The following LRRC72 variants were observed in gnomAD, a reference collection of about 807,000 sequenced individuals.
LRRC72 encodes leucine-rich repeat-containing protein 72.
LRRC72 carries 41 observed loss-of-function variants against 35.8 expected under a neutral mutation model. The ratio of observed to expected loss-of-function variants is 1.15; its 90% confidence interval spans 0.89 to 1.49. The LOEUF (loss-of-function observed/expected upper bound fraction) is 1.49. Among genes scored for constraint, LRRC72 ranks in the 40% most tolerant of loss-of-function variants. The pLI is 0.00. For missense variants in LRRC72, 389 were observed against 330.7 expected (o/e 1.18, Z -1.37); for synonymous variants, 118 against 119.2 (o/e 0.99, Z 0.07).
At position 16,581,514 on chromosome 7, in the gene LRRC72, G is replaced by A. The variant is rs200539232; in HGVS notation, c.*25G>A. ...AGCCCTGGTATTTCTAGATATCTTA[G>A]TGGTTTTCAGTTGTATATTAAACTT... On this transcript the variant is annotated 3_prime_UTR_variant, in exon 9 of 9. Transcript: ENST00000401542. 1.4e-4 allele frequency: 204 copies of A among 1,481,126 alleles called. No individual in the cohort carries two copies. Among genetic ancestry groups the A allele is most frequent in the Middle Eastern group, 5.2e-4 (3 of 5,724 alleles). The allele number at this position is 1,481,126 out of a possible 1,614,324, so 91.7% of individuals were successfully genotyped here. A position where few individuals can be genotyped will look rare whatever the true frequency, so the allele number is the denominator to read the frequency against.
intron 6 of LRRC72, 94 bp from the exon 7 acceptor site, chr7:16,567,297 A>T: frequency 1.1e-6 from 1 of 901,950 alleles, no homozygotes; most frequent in Non-Finnish European, 1.6e-6. Context: ...ATCATAGTTT[A>T]GATAAATACA....
chr7:16,531,013 A>G (rs1261898288), intron 1 of LRRC72, among the ~76,000 whole-genome samples: 1 of 152,022 alleles, frequency 6.6e-6, no homozygotes, highest in African/African-American at 2.4e-5. Context: ...CCTGGCCAAC[A>G]TGGTGAAACC....
At chr7:16,566,116 T>C (rs2128338134) in intron 5 of LRRC72, among the ~76,000 whole-genome samples, 197 bp from the exon 6 acceptor site, 1 of 152,344 alleles carries the variant, frequency 6.6e-6, no homozygotes, top group African/African-American at 2.4e-5. Context: ...AAATATTTGT[T>C]GAATGAATGA....
rs79137717 is a variant in LRRC72 at position 16,570,379 on chromosome 7, T to A, written c.670+2836T>A. ...TGCCTTCTGGCTCCAATTTGTTTGA[T>A]TCTGACAAGAGTGATTTCATCCTGG... On this transcript the variant is annotated intron_variant, in intron 7 of 8. Transcript: ENST00000401542. 1.4e-4 allele frequency among the ~76,000 whole-genome samples: 22 copies of A among 152,358 alleles called. No homozygotes were observed. The East Asian group carries it at 4.2e-3, about 29-fold the overall frequency.
chr7:16,542,449 T>C (rs570166100), intron 3 of LRRC72, among the ~76,000 whole-genome samples: 2 of 152,354 alleles, frequency 1.3e-5, no homozygotes, highest in South Asian at 4.1e-4. Context: ...GTTAAGGACA[T>C]GTGCCCGTGA....
chr7:16,567,750 T>C lies in LRRC72; in HGVS notation c.670+207T>C, dbSNP rs550630453. Among the ~76,000 whole-genome samples, 13 of 152,208 alleles carry C rather than the reference T, an allele frequency of 8.5e-5. No individual in the cohort carries two copies. In the South Asian group the frequency reaches 2.7e-3, roughly 32 times the overall value. ...TGCAATTTTCATCCTCACTCATGCATGTGAAATTAAATGGGGTGCTGTGAT... is the reference window on the plus strand; with the variant it reads ...TGCAATTTTCATCCTCACTCATGCACGTGAAATTAAATGGGGTGCTGTGAT... On this transcript the variant is annotated intron_variant, in intron 7 of 8. Transcript: ENST00000401542.
intron 8 of LRRC72, among the ~76,000 whole-genome samples, chr7:16,580,344 C>T (rs1783119066): frequency 6.6e-6 from 1 of 152,098 alleles, no homozygotes; most frequent in Admixed American, 6.6e-5. Context: ...TAATTTGATG[C>T]TTAAAAAAAT....
At chr7:16,532,380 C>T (rs1182833972) in intron 1 of LRRC72, 115 bp from the exon 2 acceptor site, 3 of 699,366 alleles carry the variant, frequency 4.3e-6, no homozygotes, top group Non-Finnish European at 7.6e-6. Context: ...GAATGGTTAC[C>T]TCCATATTCA....
At chr7:16,566,090 A>G (rs1341644858) in intron 5 of LRRC72, among the ~76,000 whole-genome samples, 1 of 152,352 alleles carries the variant, frequency 6.6e-6, no homozygotes, top group African/African-American at 2.4e-5. Flanking sequence ...TTCCTAGTGG[A>G]TAGTAAGCAC....
At chr7:16,533,725 A>G (rs956119845) in intron 2 of LRRC72, among the ~76,000 whole-genome samples, 3 of 152,098 alleles carry the variant, frequency 2.0e-5, no homozygotes, top group African/African-American at 7.2e-5. Flanking sequence ...ATGGCTCTGA[A>G]TCTCTTGGTA....
rs1782844804 is a variant in LRRC72, at chr7:16,566,383, G to A, written c.498G>A (p.Val166=). Residue 166 remains valine, a synonymous_variant, in exon 6 of 9, where the codon GTG becomes GTA. Transcript: ENST00000401542. ...RLYIIYHLPG[V]ELLDRNQVTE... is the part of the protein sequence containing the mutation. Reference sequence around the variant, plus strand: ...ATATCATCTACCACCTTCCAGGAGTGGAGCTGCTTGACCGAAATCGTAAGG... The same window carrying A: ...ATATCATCTACCACCTTCCAGGAGTAGAGCTGCTTGACCGAAATCGTAAGG... 2.6e-6 allele frequency: 4 copies of A among 1,545,476 alleles called. No individual in the cohort carries two copies. The highest frequency in any genetic ancestry group is 1.4e-5 in the African/African-American group (1 of 72,944).
rs183325109 is a variant in LRRC72, at chr7:16,569,807, G to A, written c.670+2264G>A. Among the ~76,000 whole-genome samples the A allele has an allele frequency of 3.5e-3, 527 of 152,208 alleles. 3 individuals carry two copies. The highest frequency in any genetic ancestry group is 0.012 in the African/African-American group (511 of 41,504). ...GCACTTTGGGAGGCCGAGGCAGGCA[G>A]ATCATTTGAGGTCAGGAGTTTGAGA... On this transcript the variant is annotated intron_variant, in intron 7 of 8. Coordinates refer to ENST00000401542, the MANE Select transcript of LRRC72 (RefSeq NM_001195280.2).
At chr7:16,569,168 C>T (rs761785232) in intron 7 of LRRC72, among the ~76,000 whole-genome samples, 1 of 152,158 alleles carries the variant, frequency 6.6e-6, no homozygotes, top group African/African-American at 2.4e-5. Flanking sequence ...TGGTTCACAC[C>T]TGTAATCCCA....
At chr7:16,537,820 C>T in intron 3 of LRRC72, 124 bp downstream of exon 3, 1 of 590,296 alleles carries the variant, frequency 1.7e-6, no homozygotes, top group East Asian at 3.1e-5. Context: ...AGCTAAGAAA[C>T]CCATATAAAA....
intron 1 of LRRC72, among the ~76,000 whole-genome samples, 187 bp from the exon 2 acceptor site, chr7:16,532,308 G>A (rs1451237304): frequency 6.6e-6 from 1 of 152,100 alleles, no homozygotes; most frequent in Admixed American, 6.5e-5. Context: ...TAAGGATAAT[G>A]AAATTCAACC....
intron 5 of LRRC72, 107 bp from the exon 6 acceptor site, chr7:16,566,206 C>A (rs1782835438): frequency 3.1e-6 from 2 of 643,738 alleles, no homozygotes; most frequent in Non-Finnish European, 5.0e-6. Context: ...AAGAGCTTTA[C>A]AAGTTCTTAT....
intron 2 of LRRC72, among the ~76,000 whole-genome samples, chr7:16,534,527 C>G (rs1331392910): frequency 6.6e-6 from 1 of 151,928 alleles, no homozygotes; most frequent in African/African-American, 2.4e-5. Flanking sequence ...ATTACTGCTA[C>G]AAGAAAAAAT....
intron 3 of LRRC72, among the ~76,000 whole-genome samples, chr7:16,538,624 T>C (rs1178794320): frequency 1.3e-5 from 2 of 152,204 alleles, no homozygotes; most frequent in East Asian, 3.8e-4. Context: ...CTACCAGATA[T>C]GGTTTGGCTC....
chr7:16,537,845 A>AC, intron 3 of LRRC72, 149 bp downstream of exon 3: 1 of 538,716 alleles, frequency 1.9e-6, no homozygotes, highest in Non-Finnish European at 3.3e-6. Flanking sequence ...TATATCTGGT[A>AC]CATATATATA....
Sources: allele counts gnomAD v4.1 joint callset (sites outside exome capture counted in the v4.1 genomes callset), GRCh38; gene constraint gnomAD v4.1.1; transcripts MANE v1.5; gene names NCBI Gene and HGNC (gene_info 2026-07-23, HGNC 2026-07-21).